The following DPYD variants were observed in gnomAD, a reference collection of about 807,000 sequenced individuals.
DPYD encodes dihydropyrimidine dehydrogenase.
In DPYD, 109 loss-of-function variants were observed where a neutral mutation model predicts 116.2. The ratio of observed to expected loss-of-function variants is 0.94; its 90% CI spans 0.80 to 1.10. The LOEUF is 1.10. DPYD is among the 50% of genes least tolerant of loss of function. DPYD has a pLI of 0.00. For missense variants in DPYD, 1,302 were observed against 1,254.5 expected (o/e 1.04, Z -0.57); for synonymous variants, 440 against 432.0 (o/e 1.02, Z -0.23).
intron 16 of DPYD, chr1:97,323,009 T>C (rs2101114870): frequency 6.6e-6 from 1 of 151,938 alleles, no homozygotes; most frequent in African/African-American, 2.4e-5. Context: ...ACTCACTTTC[T>C]CCTTTTTCCT....
rs529232300 is a variant in DPYD at position 97,636,019 on chromosome 1, C to T, written c.851-40853G>A. The stretch of plus-strand genomic sequence containing the variant: ...ATTTTATTGTAGAGATGGGGTTTCG[C>T]CATATTGCTCAGGCTGGTCTCGAAC... On this transcript the variant is annotated intron_variant, in intron 8 of 22. Transcript: ENST00000370192. Among the ~76,000 whole-genome samples, 6 of 152,128 alleles carry T rather than the reference C, an allele frequency of 3.9e-5. No individual in the cohort carries two copies. The East Asian group carries it at 1.2e-3, about 29-fold the overall frequency.
At position 97,789,656 on chromosome 1, in the gene DPYD, C is replaced by T. The variant is rs371899192; in HGVS notation, c.233+38458G>A. Among the ~76,000 whole-genome samples, 4 of 152,266 alleles carry T rather than the reference C, an allele frequency of 2.6e-5. No homozygotes were observed. The East Asian group carries it at 7.7e-4, about 29-fold the overall frequency. The stretch of plus-strand genomic sequence containing the variant: ...CTCACCTCCCACACTTCCTTCCAAG[C>T]CCATATGACCTCATGCTGGCCTAAG... On this transcript the variant is annotated intron_variant, in intron 3 of 22. Transcript: ENST00000370192.
chr1:97,109,414 A>T (rs1013648203), intron 20 of DPYD, among the ~76,000 whole-genome samples: 6 of 152,116 alleles, frequency 3.9e-5, no homozygotes, highest in African/African-American at 1.4e-4. Flanking sequence ...TACTGCTTTC[A>T]TGGCTAAATG....
chr1:97,328,193 T>G (rs529312896), intron 16 of DPYD, among the ~76,000 whole-genome samples: 1 of 152,284 alleles, frequency 6.6e-6, no homozygotes, highest in Non-Finnish European at 1.5e-5. Flanking sequence ...TAATTCGATT[T>G]GTCCACAATG....
intron 3 of DPYD, among the ~76,000 whole-genome samples, chr1:97,741,796 C>G (rs1664284143): frequency 6.6e-6 from 1 of 152,030 alleles, no homozygotes; most frequent in Non-Finnish European, 1.5e-5. Flanking sequence ...CAATGAGAAT[C>G]TGGGTGAAAT....
At chr1:97,613,622 A>G (rs1269103137) in intron 8 of DPYD, among the ~76,000 whole-genome samples, 2 of 152,008 alleles carry the variant, frequency 1.3e-5, no homozygotes, top group African/African-American at 4.8e-5. Flanking sequence ...TTCAATATAT[A>G]TTTACTAATT....
intron 11 of DPYD, among the ~76,000 whole-genome samples, chr1:97,557,205 T>G (rs1292010671): frequency 6.6e-6 from 1 of 152,044 alleles, no homozygotes; most frequent in African/African-American, 2.4e-5. Flanking sequence ...ATGGGGCTGT[T>G]TGTTTTTTTC....
At chr1:97,671,286 A>C (rs1194086801) in intron 8 of DPYD, among the ~76,000 whole-genome samples, 1 of 152,118 alleles carries the variant, frequency 6.6e-6, no homozygotes, top group Non-Finnish European at 1.5e-5. Context: ...ATTTTAAAAA[A>C]CATTTCCTTA....
intron 1 of DPYD, among the ~76,000 whole-genome samples, chr1:97,902,017 C>A (rs184560133): frequency 1.2e-4 from 18 of 151,868 alleles, no homozygotes; most frequent in Admixed American, 9.9e-4. Flanking sequence ...GTCTAAAATT[C>A]TCTGCTTATA....
At chr1:97,215,515 C>T (rs928957693) in intron 19 of DPYD, among the ~76,000 whole-genome samples, 4 of 152,072 alleles carry the variant, frequency 2.6e-5, no homozygotes, top group African/African-American at 7.2e-5. Flanking sequence ...GCATCTGATT[C>T]TCTACCTCCC....
chr1:97,272,930 C>T (rs1047382663), intron 18 of DPYD, among the ~76,000 whole-genome samples: 1 of 151,982 alleles, frequency 6.6e-6, no homozygotes, highest in African/African-American at 2.4e-5. Context: ...GTGTTTTCTC[C>T]CGTCAGTTTC....
At chr1:97,883,758 A>C in intron 1 of DPYD, 1 of 386,118 alleles carries the variant, frequency 2.6e-6, no homozygotes, top group Non-Finnish European at 4.9e-6. Flanking sequence ...CATTTTTAGG[A>C]ATCAAACTTT....
chr1:97,547,863 C>T (rs778953521), intron 12 of DPYD, among the ~76,000 whole-genome samples: 39 of 152,032 alleles, frequency 2.6e-4, no homozygotes, highest in Non-Finnish European at 5.4e-4. Flanking sequence ...TTTGGCCCAA[C>T]AACTCAAGCC....
At chr1:97,584,620 T>G (rs1243243904) in intron 10 of DPYD, among the ~76,000 whole-genome samples, 4 of 151,812 alleles carry the variant, frequency 2.6e-5, no homozygotes, top group African/African-American at 7.3e-5. Context: ...TATGCAGCCA[T>G]AAAAAATGAT....
At chr1:97,760,960 A>G (rs1490626120) in intron 3 of DPYD, among the ~76,000 whole-genome samples, 1 of 152,150 alleles carries the variant, frequency 6.6e-6, no homozygotes, top group Non-Finnish European at 1.5e-5. Flanking sequence ...AATTAGGATA[A>G]TATAAAACCG....
chr1:97,152,760 C>A (rs1655129627), intron 20 of DPYD, among the ~76,000 whole-genome samples: 1 of 151,560 alleles, frequency 6.6e-6, no homozygotes, highest in Admixed American at 6.6e-5. Flanking sequence ...CAAGTTGTCA[C>A]TCTCTCAGGT....
chr1:97,341,413 G>A (rs1669581133), intron 16 of DPYD, among the ~76,000 whole-genome samples: 1 of 151,964 alleles, frequency 6.6e-6, no homozygotes, highest in Non-Finnish European at 1.5e-5. Flanking sequence ...TTTTTCTCAT[G>A]AATCCTTCTC....
chr1:97,405,304 C>A (rs1371364702), intron 14 of DPYD, among the ~76,000 whole-genome samples: 1 of 151,940 alleles, frequency 6.6e-6, no homozygotes, highest in African/African-American at 2.4e-5. Flanking sequence ...TTATGTAGGT[C>A]CAAGTTTCTG....
At chr1:97,864,195 AAGGCAGTGCT>A (rs1192755144) in intron 2 of DPYD, among the ~76,000 whole-genome samples, 2 of 152,022 alleles carry the variant, frequency 1.3e-5, no homozygotes, top group East Asian at 3.9e-4. Context: ...TCCAAATGTT[AAGGCAGTGCT>A]AGGCACTTAA....
Sources: gnomAD v4.1 joint callset for allele counts (sites outside exome capture counted in the v4.1 genomes callset) on GRCh38, gnomAD v4.1.1 for gene constraint, MANE v1.5 for transcripts, NCBI Gene and HGNC (gene_info 2026-07-23, HGNC 2026-07-21) for gene names.